Variants in THAP4 observed in about 807,000 individuals in gnomAD.
The protein encoded by THAP4 is peroxynitrite isomerase THAP4.
Under a neutral mutation model 48.1 loss-of-function variants are expected in THAP4, and 18 were observed. The observed-to-expected ratio is 0.37, with a 90% CI of 0.26 to 0.56. THAP4 has a LOEUF of 0.56. Among genes scored for constraint, THAP4 ranks in the 20% least tolerant of loss-of-function variants. The probability of loss-of-function intolerance (pLI) is 0.78; values close to 1 mark genes in which losing one functional copy is unlikely to be tolerated. For missense variants in THAP4, 656 were observed against 774.9 expected, an observed-to-expected ratio of 0.85 and a Z score of 1.82; for synonymous variants, 345 against 324.9, an observed-to-expected ratio of 1.06 and a Z score of -0.66.
intron 5 of THAP4, among the ~76,000 whole-genome samples, chr2:241,595,886 G>A (rs2067040749): frequency 6.6e-6 from 1 of 152,194 alleles, no homozygotes; most frequent in African/African-American, 2.4e-5. Context: ...ACGACCCTGG[G>A]CACTGAGGTT....
At chr2:241,589,304 A>G (rs1362841303) in intron 5 of THAP4, among the ~76,000 whole-genome samples, 1 of 152,024 alleles carries the variant, frequency 6.6e-6, no homozygotes, top group Non-Finnish European at 1.5e-5. Context: ...GGAAACAGAA[A>G]GGCAAGGCAC....
rs540761852 is a variant in THAP4 at position 241,633,169 on chromosome 2, C to T, written c.988G>A (p.Glu330Lys). The change falls in exon 2 of 6, where the codon GAG becomes AAG. Residue 330 changes from glutamate to lysine, a missense_variant. Transcript: ENST00000407315. The surrounding 1 kb of genome is among the most constrained non-coding windows in gnomAD (Gnocchi z 7.5). ...GCCCCTGACGCCGACAGGATGACCT[C>T]GTTGATGGACATGGGGCTGGCGTCG... ...HSDASPMSINEVILSASGACK... is the reference protein window; with the variant it reads ...HSDASPMSINKVILSASGACK... The T allele has an allele frequency of 2.7e-5, 44 of 1,608,746 alleles. No homozygotes were observed. Among genetic ancestry groups the T allele is most frequent in the Non-Finnish European group, 3.6e-5 (42 of 1,176,806 alleles).
At position 241,616,367 on chromosome 2, in the gene THAP4, C is replaced by T. The variant is rs901556849; in HGVS notation, c.1241-9894G>A. Among the ~76,000 whole-genome samples the T allele has an allele frequency of 6.6e-6, 1 of 152,138 alleles. No individual in the cohort carries two copies. The highest frequency in any genetic ancestry group is 1.5e-5 in the Non-Finnish European group (1 of 68,022). On this transcript the variant is annotated intron_variant, in intron 2 of 5. Coordinates refer to ENST00000407315, the MANE Select transcript of THAP4 (RefSeq NM_015963.6). This position sits in a 1 kb window ranked among gnomAD's most constrained non-coding sequence, Gnocchi z 4.6. The stretch of plus-strand genomic sequence containing the variant: ...CAGGCGCACGAGAGCTGAGGGCGAG[C>T]CCTGGCATCAGGACCAGAGAGGCCC...
chr2:241,610,417 G>T lies in THAP4; in HGVS notation c.1241-3944C>A, dbSNP rs977752397. Among the ~76,000 whole-genome samples, 1 of 152,192 alleles carries T rather than the reference G, an allele frequency of 6.6e-6. No homozygotes were observed. The highest frequency in any genetic ancestry group is 2.4e-5 in the African/African-American group (1 of 41,458). Reference sequence around the variant, plus strand: ...TTTGGGGAGCGGCAGAGGAGTCAGGGCGGAGGCTGGGCGGCGCTGGGCGGT... The same window carrying T: ...TTTGGGGAGCGGCAGAGGAGTCAGGTCGGAGGCTGGGCGGCGCTGGGCGGT... On this transcript the variant is annotated intron_variant, in intron 2 of 5. Transcript: ENST00000407315. The surrounding 1 kb of genome is among the most constrained non-coding windows in gnomAD (Gnocchi z 4.2).
Position 241,632,908 on chromosome 2 carries a change from G to T in THAP4, c.1240+9C>A. 1 of 1,584,088 alleles carries T rather than the reference G, an allele frequency of 6.3e-7. No individual in the cohort carries two copies. The highest frequency in any genetic ancestry group is 8.6e-7 in the Non-Finnish European group (1 of 1,164,542). On this transcript the variant is annotated intron_variant, in intron 2 of 5. Coordinates refer to ENST00000407315, the MANE Select transcript of THAP4 (RefSeq NM_015963.6). ...AGGGAACATGGGTACGCGAGGCTCC[G>T]GTACTGACCGCGGCTGGGCGACAGC... is the stretch of plus-strand genomic sequence containing the variant.
chr2:241,635,326 T>C (rs1575042770), intron 1 of THAP4, among the ~76,000 whole-genome samples: 2 of 152,190 alleles, frequency 1.3e-5, no homozygotes, highest in African/African-American at 4.8e-5. Flanking sequence ...ACATGTATTA[T>C]ACCATAATTT....
At chr2:241,630,266 G>A (rs147901093) in intron 2 of THAP4, among the ~76,000 whole-genome samples, 55 of 152,260 alleles carry the variant, frequency 3.6e-4, no homozygotes, top group African/African-American at 1.3e-3. Context: ...TCCATGGCAC[G>A]CAGCCCAAGG....
chr2:241,616,218 G>A lies in THAP4; in HGVS notation c.1241-9745C>T, dbSNP rs984772620. ...CGTGGCCCGGGCTTTCTGCCTCGAC[G>A]ACTAGCCCAAGGGAGATGGAAATGA... is the stretch of plus-strand genomic sequence containing the variant. On this transcript the variant is annotated intron_variant, in intron 2 of 5. Coordinates refer to ENST00000407315, the MANE Select transcript of THAP4 (RefSeq NM_015963.6). This position sits in a 1 kb window ranked among gnomAD's most constrained non-coding sequence, Gnocchi z 4.6. Among the ~76,000 whole-genome samples, 1 of 152,182 alleles carries A rather than the reference G, an allele frequency of 6.6e-6. No individual in the cohort carries two copies. Among genetic ancestry groups the A allele is most frequent in the Non-Finnish European group, 1.5e-5 (1 of 68,020 alleles).
At position 241,584,614 on chromosome 2, in the gene THAP4, T is replaced by C. The variant is rs1160501884; in HGVS notation, c.1726A>G (p.Thr576Ala). 6.2e-7 allele frequency: 1 copy of C among 1,613,464 alleles called. No homozygotes were observed. The highest frequency in any genetic ancestry group is 8.5e-7 in the Non-Finnish European group (1 of 1,179,890). The part of the protein sequence containing the change: ...QHLHVTYKKV[T>A]P ...CTCCAGAAGCTCTAGGTTTACGGGG[T>C]CACCTTCTTGTAGGTGACGTGAAGA... Residue 576 changes from threonine (T) to alanine (A), a missense_variant, in exon 6 of 6, where the codon ACC becomes GCC. This residue lies in a region of THAP4 where 176 missense variants were observed against 256.7 expected (regional missense o/e 0.69). Transcript: ENST00000407315.
At position 241,635,129 on chromosome 2, in the gene THAP4, G is replaced by A. The variant is rs1009755798; in HGVS notation, c.78-1050C>T. 6.6e-5 allele frequency among the ~76,000 whole-genome samples: 10 copies of A among 152,290 alleles called. 1 individual carries two copies. Among genetic ancestry groups the A allele is most frequent in the Admixed American group, 1.3e-4 (2 of 15,298 alleles). ...GCCATGAATTGTACACTGAAAAAGCGGTAGGAAAGGCTGGGAGCCGTGGCT... is the reference window on the plus strand; with the variant it reads ...GCCATGAATTGTACACTGAAAAAGCAGTAGGAAAGGCTGGGAGCCGTGGCT... On this transcript the variant is annotated intron_variant, in intron 1 of 5. Transcript: ENST00000407315.
intron 1 of THAP4, among the ~76,000 whole-genome samples, chr2:241,636,062 T>C (rs1374953464): frequency 2.0e-5 from 3 of 152,172 alleles, no homozygotes; most frequent in Admixed American, 6.5e-5. Flanking sequence ...ACAAAACTTC[T>C]AGGACACAAG....
In THAP4 at chr2:241,597,610, G is replaced by A. The variant is rs983119072; in HGVS notation, c.1614+4286C>T. 3.9e-5 allele frequency among the ~76,000 whole-genome samples: 6 copies of A among 152,254 alleles called. No individual in the cohort carries two copies. The South Asian group carries it at 6.2e-4, about 16-fold the overall frequency. On this transcript the variant is annotated intron_variant, in intron 5 of 5. Coordinates refer to ENST00000407315, the MANE Select transcript of THAP4 (RefSeq NM_015963.6). The stretch of plus-strand genomic sequence containing the variant: ...AACAGGGACAGCTCCTTTCACCCCC[G>A]CACAAGCCTAGTAGGACTGGCCCTC...
intron 5 of THAP4, among the ~76,000 whole-genome samples, chr2:241,598,950 A>G (rs759618915): frequency 1.2e-4 from 18 of 151,978 alleles, no homozygotes; most frequent in Admixed American, 4.6e-4. Flanking sequence ...GAAAAATTTT[A>G]CAACTAAAAA....
At chr2:241,634,672 A>G (rs1460979600) in intron 1 of THAP4, among the ~76,000 whole-genome samples, 1 of 152,250 alleles carries the variant, frequency 6.6e-6, no homozygotes, top group African/African-American at 2.4e-5. Flanking sequence ...CAACCAGCCC[A>G]GGGACAGGGC....
rs560504809 is a variant in THAP4, at chr2:241,606,270, C to T, written c.1400+44G>A. On this transcript the variant is annotated intron_variant, in intron 3 of 5. Coordinates refer to ENST00000407315, the MANE Select transcript of THAP4 (RefSeq NM_015963.6). The stretch of plus-strand genomic sequence containing the variant: ...CTGGAATTATTTTCAGAGACCTAGG[C>T]GGCCCATGAGTCAAGCAGGGTGGGG... The T allele has an allele frequency of 1.2e-5, 18 of 1,496,290 alleles. No individual in the cohort carries two copies. The East Asian group carries it at 1.7e-4, about 14-fold the overall frequency. The allele number at this position is 1,496,290 out of a possible 1,614,324, so 92.7% of individuals were successfully genotyped here.
chr2:241,634,613 T>C (rs2067613878), intron 1 of THAP4, among the ~76,000 whole-genome samples: 1 of 152,226 alleles, frequency 6.6e-6, no homozygotes, highest in Non-Finnish European at 1.5e-5. Flanking sequence ...CAGTTCTGTG[T>C]TCCTGTTGCA....
At position 241,601,786 on chromosome 2, in the gene THAP4, G is replaced by C. The variant is rs757081299; in HGVS notation, c.1614+110C>G. The C allele has an allele frequency of 1.9e-6, 3 of 1,548,134 alleles. No homozygotes were observed. Among genetic ancestry groups the C allele is most frequent in the Non-Finnish European group, 2.6e-6 (3 of 1,142,666 alleles). ...AGAAGGAGACAGTGAAGACAGGCCTGTGAGACACAGTGGCAAGACACGCAC... is the reference window on the plus strand; with the variant it reads ...AGAAGGAGACAGTGAAGACAGGCCTCTGAGACACAGTGGCAAGACACGCAC... On this transcript the variant is annotated intron_variant, in intron 5 of 5. Coordinates refer to ENST00000407315, the MANE Select transcript of THAP4 (RefSeq NM_015963.6). This position sits in a 1 kb window ranked among gnomAD's most constrained non-coding sequence, Gnocchi z 4.0.
At chr2:241,620,926 T>C (rs13419983) in intron 2 of THAP4, among the ~76,000 whole-genome samples, 22,516 of 151,964 alleles carry the variant, frequency 0.15, 1,921 homozygotes, top group South Asian at 0.38. Context: ...ATATTTCATG[T>C]CTACTTTGCA....
intron 5 of THAP4, among the ~76,000 whole-genome samples, chr2:241,589,792 C>T (rs1334262957): frequency 5.3e-5 from 8 of 152,166 alleles, no homozygotes; most frequent in Non-Finnish European, 1.0e-4. Flanking sequence ...AAACATCCAT[C>T]AACAGAAAGG....
Sources: allele counts gnomAD v4.1 joint callset (sites outside exome capture counted in the v4.1 genomes callset), GRCh38; gene constraint gnomAD v4.1.1; regional missense constraint gnomAD v4.1.1; non-coding constraint Gnocchi (gnomAD v3.1); transcripts MANE v1.5; gene names NCBI Gene and HGNC (gene_info 2026-07-23, HGNC 2026-07-21).